Variants in TUBGCP2 observed in about 807,000 individuals in gnomAD.
The protein encoded by TUBGCP2 is gamma-tubulin complex component 2.
Under a neutral mutation model 92.2 loss-of-function variants are expected in TUBGCP2, and 55 were observed. The ratio of observed to expected loss-of-function variants is 0.60; its 90% CI spans 0.48 to 0.75. TUBGCP2 has a LOEUF of 0.75. Ranked by LOEUF, TUBGCP2 falls within the 30% of genes least tolerant of loss-of-function variation. The pLI, the probability that TUBGCP2 is intolerant of heterozygous loss-of-function variation, is 0.00. For missense variants in TUBGCP2, 1,093 were observed against 1,188.9 expected, an observed-to-expected ratio of 0.92 and a Z score of 1.19; for synonymous variants, 533 against 505.2, an observed-to-expected ratio of 1.06 and a Z score of -0.74.
chr10:133,285,407 G>T lies in TUBGCP2; in HGVS notation c.1895+49C>A. ...ACCGCGTGGCACAGTTCTCGCTTCT[G>T]CCAAACCTGAGTGAAGATCTGGCAG... On this transcript the variant is annotated intron_variant, in intron 12 of 17. Coordinates refer to ENST00000252936, the MANE Select transcript of TUBGCP2 (RefSeq NM_006659.4). This position sits in a 1 kb window ranked among gnomAD's most constrained non-coding sequence, Gnocchi z 6.8. The T allele has an allele frequency of 6.2e-7, 1 of 1,611,532 alleles. No homozygotes were observed. Among genetic ancestry groups the T allele is most frequent in the Non-Finnish European group, 8.5e-7 (1 of 1,179,332 alleles).
chr10:133,296,136 C>T (rs1290070906), intron 5 of TUBGCP2, among the ~76,000 whole-genome samples: 2 of 152,204 alleles, frequency 1.3e-5, no homozygotes, highest in Admixed American at 6.5e-5. Flanking sequence ...TGCCAATCAC[C>T]GCCACGCTCA....
chr10:133,280,939 GACA>G (rs1846955067), intron 17 of TUBGCP2, among the ~76,000 whole-genome samples: 1 of 150,456 alleles, frequency 6.6e-6, no homozygotes, highest in Admixed American at 6.6e-5. Flanking sequence ...GCTGAGCCGG[GACA>G]GCACTGGGCC....
chr10:133,292,816 G>A lies in TUBGCP2; in HGVS notation c.1025-128C>T, dbSNP rs115400273. 1.6e-4 allele frequency: 190 copies of A among 1,224,676 alleles called. 1 individual carries two copies. The highest frequency in any genetic ancestry group is 8.6e-4 in the African/African-American group (57 of 65,970). The allele number at this position is 1,224,676 out of a possible 1,614,324, so 75.9% of individuals were successfully genotyped here. On this transcript the variant is annotated intron_variant, in intron 7 of 17. Coordinates refer to ENST00000252936, the MANE Select transcript of TUBGCP2 (RefSeq NM_006659.4). ...GGACGGTGCTGCTTCTTTGGGATAC[G>A]TATTAACTGTAAGGTTGTAGTTGCT...
At chr10:133,300,159 G>C (rs1219614097) in intron 2 of TUBGCP2, 46 bp from the exon 3 acceptor site, 1 of 1,580,290 alleles carries the variant, frequency 6.3e-7, no homozygotes, top group Non-Finnish European at 8.6e-7. Flanking sequence ...AATTAATAAA[G>C]CACTGTAAAA....
Position 133,297,968 on chromosome 10 carries a change from G to A in TUBGCP2, c.600C>T (p.Asp200=), listed in dbSNP as rs756239397. The part of the protein sequence containing the change: ...DFLIGAGIST[D]TALPIGTLPL... ...ATCACGTACCTATCGGCAAAGCGGT[G>A]TCTGTGCTGATGCCAGCACCAATCA... The change falls in exon 5 of 18, where the codon GAC becomes GAT. Residue 200 remains aspartate, a synonymous_variant. Transcript: ENST00000252936. The A allele has an allele frequency of 2.5e-6, 4 of 1,613,656 alleles. No individual in the cohort carries two copies. In the Admixed American group the frequency reaches 5.0e-5, roughly 20 times the overall value.
intron 5 of TUBGCP2, chr10:133,297,535 G>A: frequency 2.6e-6 from 1 of 380,380 alleles, no homozygotes; most frequent in South Asian, 2.1e-5. Flanking sequence ...CACTACTTAA[G>A]AGGCCTCTGA....
intron 5 of TUBGCP2, chr10:133,295,740 G>C (rs1847473508): frequency 6.6e-6 from 1 of 152,406 alleles, no homozygotes; most frequent in African/African-American, 2.4e-5. Context: ...GTGCTCACAA[G>C]GTCCTGATGC....
chr10:133,297,919 T>C, intron 5 of TUBGCP2, 33 bp downstream of exon 5: 1 of 1,606,880 alleles, frequency 6.2e-7, no homozygotes, highest in Non-Finnish European at 8.5e-7. Flanking sequence ...CACGTACCTA[T>C]CGGCAGAGCC....
In TUBGCP2 at chr10:133,288,276, G is replaced by A. The variant is rs147584239; in HGVS notation, c.1575C>T (p.Gly525=). 7.6e-5 allele frequency: 123 copies of A among 1,613,602 alleles called. No individual in the cohort carries two copies. In the African/African-American group the frequency reaches 1.1e-3, roughly 15 times the overall value. The change falls in exon 11 of 18, where the codon GGC becomes GGT. Residue 525 remains glycine (G), a synonymous_variant. Transcript: ENST00000252936. The part of the protein sequence containing the change: ...SIKRYFLMDQ[G]DFFVHFMDLA... Reference sequence around the variant, plus strand: ...GGTCCATGAAGTGCACGAAGAAGTCGCCCTGGTCCATGAGGAAGTAGCGCT... The same window carrying A: ...GGTCCATGAAGTGCACGAAGAAGTCACCCTGGTCCATGAGGAAGTAGCGCT...
intron 2 of TUBGCP2, among the ~76,000 whole-genome samples, chr10:133,301,029 A>G (rs1249216086): frequency 6.6e-6 from 1 of 151,798 alleles, no homozygotes; most frequent in Non-Finnish European, 1.5e-5. Flanking sequence ...TTATGCGTTC[A>G]TTGTCTGCAT....
At position 133,289,993 on chromosome 10, in the gene TUBGCP2, G is replaced by A. The variant is rs756962852; in HGVS notation, c.1215-24C>T. The A allele has an allele frequency of 5.1e-5, 82 of 1,605,136 alleles. 1 individual carries two copies. In the South Asian group the frequency reaches 8.8e-4, roughly 17 times the overall value. ...CACTAAAACCACAGGGAGCGCTTCG[G>A]TCACAGGCAAAGCAAGGGCGCCTGA... On this transcript the variant is annotated intron_variant, in intron 8 of 17. Coordinates refer to ENST00000252936, the MANE Select transcript of TUBGCP2 (RefSeq NM_006659.4).
Position 133,283,949 on chromosome 10 carries a change from A to G in TUBGCP2, c.2078T>C (p.Ile693Thr). The change falls in exon 14 of 18, where the codon ATT becomes ACT. Residue 693 changes from isoleucine to threonine, a missense_variant. Physicochemically the swap from Ile to Thr is moderately conservative, Grantham distance 89. Coordinates refer to ENST00000252936, the MANE Select transcript of TUBGCP2 (RefSeq NM_006659.4). ...CACTTCAAACATCATGTAGTATTGA[A>G]TATTCTGGACGAAGTTGAGCATTCG... ...RQRMLNFVQN[I>T]QYYMMFEVME... 1 of 1,614,190 alleles carries G rather than the reference A, an allele frequency of 6.2e-7. No homozygotes were observed. The highest frequency in any genetic ancestry group is 8.5e-7 in the Non-Finnish European group (1 of 1,180,016).
intron 8 of TUBGCP2, among the ~76,000 whole-genome samples, chr10:133,291,360 T>TC (rs1237946119): frequency 0.26 from 144 of 552 alleles, 52 homozygotes; most frequent in East Asian, 1. Flanking sequence ...TCCCTCCGTG[T>TC]CCCCGTGTCC....
chr10:133,285,005 CA>C lies in TUBGCP2; in HGVS notation c.2024+79del. ...TAGAAAGCTGTCTACCAGGAGGGCA[CA>C]AGGGGGGCGCTGCACCACTGGGCAG... On this transcript the variant is annotated intron_variant, in intron 13 of 17. Transcript: ENST00000252936. This position sits in a 1 kb window ranked among gnomAD's most constrained non-coding sequence, Gnocchi z 6.8. The C allele has an allele frequency of 1.3e-5, 20 of 1,512,006 alleles. No individual in the cohort carries two copies. Among genetic ancestry groups the C allele is most frequent in the Non-Finnish European group, 1.7e-5 (19 of 1,132,078 alleles). 93.7% of individuals were successfully genotyped at this position (1,512,006 alleles called of 1,614,324 possible). A position where few individuals can be genotyped will look rare whatever the true frequency, so the allele number is the denominator to read the frequency against.
At chr10:133,311,481 T>A (rs1172545349), upstream of TUBGCP2, 1 of 470,006 alleles carries the variant, frequency 2.1e-6, no homozygotes, top group African/African-American at 2.0e-5. Flanking sequence ...AAAAGTATGA[T>A]TGTTACAGTT....
At chr10:133,302,567 T>G in intron 2 of TUBGCP2, 2 of 499,018 alleles carry the variant, frequency 4.0e-6, no homozygotes, top group South Asian at 5.0e-5. Flanking sequence ...GAGGGGTGGG[T>G]TCACCCTGCA....
chr10:133,292,095 G>GTGTCCCCCA (rs1564939826), intron 8 of TUBGCP2, among the ~76,000 whole-genome samples: 1 of 9,996 alleles, frequency 1.0e-4, no homozygotes, highest in Non-Finnish European at 2.0e-4. Flanking sequence ...GTGTCCCTCC[G>GTGTCCCCCA]TGTCCCTCCG....
rs1223388965 is a variant in TUBGCP2 at position 133,283,707 on chromosome 10, CACG to C, written c.2145+172_2145+174del. ...TCTCCCGCATTCCCTGCCTCTCCCGCACGCCCTGCCTCTCCCGCACTCCCTGCC... is the reference window on the plus strand; with the variant it reads ...TCTCCCGCATTCCCTGCCTCTCCCGCCCCTGCCTCTCCCGCACTCCCTGCC... On this transcript the variant is annotated intron_variant, in intron 14 of 17. Coordinates refer to ENST00000252936, the MANE Select transcript of TUBGCP2 (RefSeq NM_006659.4). 5.2e-3 allele frequency among the ~76,000 whole-genome samples: 104 copies of C among 19,992 alleles called. 1 individual carries two copies. The highest frequency in any genetic ancestry group is 7.9e-3 in the African/African-American group (91 of 11,558). The allele number at this position is 19,992 out of a possible 152,430, so 13.1% of individuals were successfully genotyped here. A position where few individuals can be genotyped will look rare whatever the true frequency, so the allele number is the denominator to read the frequency against.
intron 8 of TUBGCP2, chr10:133,290,461 C>G (rs1847256289): frequency 6.6e-6 from 1 of 151,358 alleles, no homozygotes; most frequent in South Asian, 2.1e-4. Context: ...CCACTGCACT[C>G]CAGCCTGGCA....
Sources: gnomAD v4.1 joint callset for allele counts (sites outside exome capture counted in the v4.1 genomes callset) on GRCh38, gnomAD v4.1.1 for gene constraint, Gnocchi (gnomAD v3.1) non-coding constraint, MANE v1.5 for transcripts, NCBI Gene and HGNC (gene_info 2026-07-23, HGNC 2026-07-21) for gene names.